Variants in ENTREP2 observed in about 807,000 individuals in gnomAD.
ENTREP2 encodes the protein endosomal transmembrane epsin interactor 2, also known as protein ENTREP2.
chr15:29,501,597 A>C, the ENTREP2 span, among the ~76,000 whole-genome samples: 2 of 152,074 alleles, frequency 1.3e-5, no homozygotes, highest in African/African-American at 4.8e-5. Context: ...TGCTCCTAAG[A>C]TCAGGAAGAA....
chr15:29,285,798 TA>T, the ENTREP2 span, among the ~76,000 whole-genome samples: 8,033 of 152,186 alleles, frequency 0.053, 638 homozygotes, highest in African/African-American at 0.17. Flanking sequence ...GAATATACGA[TA>T]AAAAAATCCC....
At chr15:29,241,555 A>G in the ENTREP2 span, among the ~76,000 whole-genome samples, 1 of 152,154 alleles carries the variant, frequency 6.6e-6, no homozygotes, top group Non-Finnish European at 1.5e-5. Context: ...ATGAGAATCT[A>G]TTACTATTTC....
the ENTREP2 span, among the ~76,000 whole-genome samples, chr15:29,608,985 T>C: frequency 1.3e-5 from 2 of 151,128 alleles, no homozygotes; most frequent in African/African-American, 4.8e-5. Context: ...CTGGTATATC[T>C]GGGGTTCTTC....
chr15:29,314,546 T>G, the ENTREP2 span, among the ~76,000 whole-genome samples: 1 of 152,182 alleles, frequency 6.6e-6, no homozygotes, highest in African/African-American at 2.4e-5. Flanking sequence ...TATGTATAAT[T>G]TTTTTAGACA....
chr15:29,501,493 TAGAAAC>T, the ENTREP2 span, among the ~76,000 whole-genome samples: 1 of 151,956 alleles, frequency 6.6e-6, no homozygotes, highest in African/African-American at 2.4e-5. Flanking sequence ...CTCAACAAAT[TAGAAAC>T]AGAAAAGAAA....
chr15:29,398,787 G>C, the ENTREP2 span, among the ~76,000 whole-genome samples: 1 of 150,566 alleles, frequency 6.6e-6, no homozygotes. Context: ...AGAATTATGA[G>C]ATGGCCCCCA....
At chr15:29,628,103 T>C in the ENTREP2 span, among the ~76,000 whole-genome samples, 1 of 152,230 alleles carries the variant, frequency 6.6e-6, no homozygotes, top group Non-Finnish European at 1.5e-5. Context: ...CTACCAGCAG[T>C]GCACAAGGGT....
At chr15:29,515,639 TCCA>T in the ENTREP2 span, among the ~76,000 whole-genome samples, 1 of 152,210 alleles carries the variant, frequency 6.6e-6, no homozygotes, top group Non-Finnish European at 1.5e-5. Context: ...TTGACTGTAA[TCCA>T]GCGAGTCCTG....
chr15:29,163,092 A>G, the ENTREP2 span, among the ~76,000 whole-genome samples: 2 of 152,136 alleles, frequency 1.3e-5, no homozygotes, highest in Non-Finnish European at 2.9e-5. Context: ...ACAGGAAGCC[A>G]CCTCCATAGG....
chr15:29,425,812 T>A, the ENTREP2 span, among the ~76,000 whole-genome samples: 3 of 151,982 alleles, frequency 2.0e-5, no homozygotes, highest in Admixed American at 2.0e-4. Context: ...ATATCTATAG[T>A]CTCTATGCAA....
chr15:29,217,967 G>A, the ENTREP2 span, among the ~76,000 whole-genome samples: 1 of 152,106 alleles, frequency 6.6e-6, no homozygotes, highest in Admixed American at 6.5e-5. Flanking sequence ...CTCCCTCTTT[G>A]CCTATGGATG....
the ENTREP2 span, among the ~76,000 whole-genome samples, chr15:29,555,982 C>A: frequency 6.6e-6 from 1 of 152,222 alleles, no homozygotes; most frequent in Non-Finnish European, 1.5e-5. Flanking sequence ...TGGCCAGGCA[C>A]GGTGCTCACG....
At chr15:29,416,170 A>G in the ENTREP2 span, among the ~76,000 whole-genome samples, 1 of 152,210 alleles carries the variant, frequency 6.6e-6, no homozygotes, top group Non-Finnish European at 1.5e-5. Context: ...TGGAACCAAA[A>G]AAGAGCCTGC....
the ENTREP2 span, among the ~76,000 whole-genome samples, chr15:29,586,445 G>C: frequency 6.6e-6 from 1 of 152,204 alleles, no homozygotes; most frequent in African/African-American, 2.4e-5. Context: ...CACTTTAAAA[G>C]AGTGAATTTT....
At chr15:29,218,847 T>C in the ENTREP2 span, among the ~76,000 whole-genome samples, 1 of 152,154 alleles carries the variant, frequency 6.6e-6, no homozygotes, top group African/African-American at 2.4e-5. Context: ...ATCTAAGACC[T>C]GAAACTATAA....
At chr15:29,570,231 G>A in the ENTREP2 span, among the ~76,000 whole-genome samples, 1 of 151,338 alleles carries the variant, frequency 6.6e-6, no homozygotes, top group African/African-American at 2.4e-5. Context: ...CGGGCTCGGA[G>A]GACGGCGGGC....
the ENTREP2 span, among the ~76,000 whole-genome samples, chr15:29,562,781 T>C: frequency 8.7e-6 from 1 of 114,700 alleles, no homozygotes; most frequent in African/African-American, 3.0e-5. Context: ...GGTGTTTTTG[T>C]TTTGTATTTG....
chr15:29,414,653 G>C, the ENTREP2 span, among the ~76,000 whole-genome samples: 1 of 152,164 alleles, frequency 6.6e-6, no homozygotes, highest in African/African-American at 2.4e-5. Flanking sequence ...TAAGATCAGA[G>C]CAGAACTGAA....
At chr15:29,291,584 C>T in the ENTREP2 span, among the ~76,000 whole-genome samples, 1 of 152,210 alleles carries the variant, frequency 6.6e-6, no homozygotes, top group African/African-American at 2.4e-5. Context: ...ACCCTGGACC[C>T]CCAGCTCTCA....
Sources: gnomAD v4.1 joint callset for allele counts (sites outside exome capture counted in the v4.1 genomes callset) on GRCh38, gnomAD v4.1.1 for gene constraint, MANE v1.5 for transcripts, NCBI Gene and HGNC (gene_info 2026-07-23, HGNC 2026-07-21) for gene names.